Variants in ESR1 observed in about 807,000 individuals in gnomAD.
ESR1 encodes the protein estrogen receptor 1, also known as estrogen receptor.
A neutral mutation model predicts 52.7 loss-of-function variants in ESR1; 12 were observed. The observed-to-expected ratio is 0.23, with a 90% confidence interval of 0.15 to 0.37. The LOEUF is 0.37. Among genes scored for constraint, ESR1 ranks in the 10% least tolerant of loss-of-function variants. The pLI is 1.00. For missense variants in ESR1, 584 were observed against 779.7 expected (o/e 0.75, Z 2.99); for synonymous variants, 305 against 316.8 (o/e 0.96, Z 0.39).
At chr6:152,092,945 G>A (rs932269264) in intron 6 of ESR1, among the ~76,000 whole-genome samples, 6 of 152,132 alleles carry the variant, frequency 3.9e-5, no homozygotes, top group Admixed American at 3.9e-4. Flanking sequence ...TGTTAGGAAG[G>A]ATATATGAAA....
At chr6:151,743,300 C>T (rs766521124) in intron 2 of ESR1, among the ~76,000 whole-genome samples, 5 of 152,266 alleles carry the variant, frequency 3.3e-5, no homozygotes, top group Admixed American at 1.3e-4. Context: ...GCAGTAGAGA[C>T]ATTCTGGTCA....
At chr6:152,012,358 T>G (rs938006655) in intron 5 of ESR1, among the ~76,000 whole-genome samples, 1 of 152,016 alleles carries the variant, frequency 6.6e-6, no homozygotes, top group Non-Finnish European at 1.5e-5. Context: ...GTTTTTTTTT[T>G]TTCAGTCATT....
intron 4 of ESR1, among the ~76,000 whole-genome samples, chr6:152,009,345 A>G (rs2042586254): frequency 1.3e-5 from 2 of 152,218 alleles, no homozygotes; most frequent in South Asian, 4.1e-4. Flanking sequence ...TTAAAAATGC[A>G]AAATTTGATG....
In ESR1 at chr6:151,970,051, A is replaced by T. The variant is rs142155510; in HGVS notation, c.1096+25543A>T. Among the ~76,000 whole-genome samples, 4 of 151,752 alleles carry T rather than the reference A, an allele frequency of 2.6e-5. No individual in the cohort carries two copies. In the East Asian group the frequency reaches 7.8e-4, roughly 29 times the overall value. ...TCTTTGCTGGGCTTCTGCCTTCTAG[A>T]CGCTTCACCTTCCCGTTATTTCTTC... On this transcript the variant is annotated intron_variant, in intron 4 of 7. Transcript: ENST00000206249.
In ESR1 at chr6:151,778,621, G is replaced by A. The variant is rs530606145; in HGVS notation, c.-70-29222G>A. On this transcript the variant is annotated intron_variant, in intron 2 of 2. Coordinates refer to the ESR1 transcript ENST00000404742. ...GGGTTTTGCCATGTTGGCCAGGCTG[G>A]TCTCGAACTCCTAACCTCAAGTGAT... Among the ~76,000 whole-genome samples, 3 of 151,872 alleles carry A rather than the reference G, an allele frequency of 2.0e-5. No homozygotes were observed. The South Asian group carries it at 6.3e-4, about 32-fold the overall frequency.
At chr6:151,672,815 A>T (rs564616826) in intron 1 of ESR1, among the ~76,000 whole-genome samples, 1 of 148,304 alleles carries the variant, frequency 6.7e-6, no homozygotes. Context: ...TTTGTGCTCA[A>T]ATTCATGATC....
At chr6:151,838,354 G>A (rs1380101304) in intron 1 of ESR1, among the ~76,000 whole-genome samples, 2 of 152,198 alleles carry the variant, frequency 1.3e-5, no homozygotes, top group Non-Finnish European at 2.9e-5. Flanking sequence ...AAGAGAGGAG[G>A]TGGGGACCTG....
chr6:151,694,026 C>T (rs989382451), intron 1 of ESR1, among the ~76,000 whole-genome samples: 1 of 152,204 alleles, frequency 6.6e-6, no homozygotes, highest in Non-Finnish European at 1.5e-5. Flanking sequence ...ACTATAGTAG[C>T]ACCTAAGGTT....
chr6:151,967,255 A>G (rs1354558093), intron 4 of ESR1, among the ~76,000 whole-genome samples: 1 of 152,144 alleles, frequency 6.6e-6, no homozygotes, highest in African/African-American at 2.4e-5. Flanking sequence ...ACATAGGTAT[A>G]TACGTGCCAT....
intron 3 of ESR1, among the ~76,000 whole-genome samples, chr6:151,899,757 C>T (rs1001491144): frequency 2.1e-4 from 31 of 150,186 alleles, no homozygotes; most frequent in Admixed American, 8.6e-4. Flanking sequence ...ACATCCCAGA[C>T]GGGGCGGCAG....
intron 2 of ESR1, among the ~76,000 whole-genome samples, chr6:151,794,348 T>C (rs1776485269): frequency 6.6e-6 from 1 of 152,144 alleles, no homozygotes; most frequent in Non-Finnish European, 1.5e-5. Flanking sequence ...AAAAATTCAG[T>C]GGTTTATGGC....
chr6:152,058,681 C>CCTGT (rs34801860), intron 5 of ESR1, among the ~76,000 whole-genome samples: 33,182 of 151,828 alleles, frequency 0.22, 5,239 homozygotes, highest in African/African-American at 0.44. Flanking sequence ...TGGCTTTCTC[C>CCTGT]CTGTCTTGTT....
intron 6 of ESR1, among the ~76,000 whole-genome samples, chr6:152,120,404 C>T (rs941298745): frequency 1.3e-5 from 2 of 152,192 alleles, no homozygotes; most frequent in Admixed American, 6.5e-5. Context: ...AGATGGGACA[C>T]TTTAACCACG....
At chr6:152,025,392 G>A (rs2044060671) in intron 5 of ESR1, among the ~76,000 whole-genome samples, 1 of 151,652 alleles carries the variant, frequency 6.6e-6, no homozygotes, top group South Asian at 2.1e-4. Context: ...TAATAGGTGA[G>A]CTCTCTGGAA....
At chr6:152,118,078 T>G (rs538652017) in intron 6 of ESR1, among the ~76,000 whole-genome samples, 2 of 152,328 alleles carry the variant, frequency 1.3e-5, no homozygotes, top group South Asian at 4.1e-4. Context: ...CAGATGGACA[T>G]TCATACTCTT....
At chr6:151,672,149 C>A (rs543100556) in intron 1 of ESR1, among the ~76,000 whole-genome samples, 1 of 150,496 alleles carries the variant, frequency 6.6e-6, no homozygotes, top group South Asian at 2.1e-4. Flanking sequence ...GAAGTTCTTA[C>A]CACAAAAAAA....
chr6:151,792,491 G>A (rs938244145), intron 2 of ESR1, among the ~76,000 whole-genome samples: 3 of 151,714 alleles, frequency 2.0e-5, no homozygotes, highest in Admixed American at 2.0e-4. Context: ...CCAGGCTGGA[G>A]TGCAGTGGCA....
intron 4 of ESR1, among the ~76,000 whole-genome samples, chr6:151,964,085 T>G (rs1312109833): frequency 6.6e-6 from 1 of 152,208 alleles, no homozygotes; most frequent in Non-Finnish European, 1.5e-5. Flanking sequence ...TTATAATATA[T>G]CTTGAAATCA....
intron 5 of ESR1, among the ~76,000 whole-genome samples, chr6:152,047,010 A>C (rs1000144014): frequency 2.0e-5 from 3 of 152,204 alleles, no homozygotes; most frequent in Non-Finnish European, 4.4e-5. Context: ...CTCATGAAGA[A>C]CACTTTAAGT....
Sources: allele counts gnomAD v4.1 joint callset (sites outside exome capture counted in the v4.1 genomes callset), GRCh38; gene constraint gnomAD v4.1.1; transcripts MANE v1.5; gene names NCBI Gene and HGNC (gene_info 2026-07-23, HGNC 2026-07-21).